SCFD2: variants seen among roughly 807,000 people sequenced by gnomAD.
SCFD2 encodes sec1 family domain-containing protein 2.
In SCFD2, 54 loss-of-function variants were observed where a neutral mutation model predicts 58.9. The ratio of observed to expected loss-of-function variants is 0.92; its 90% CI spans 0.74 to 1.15. The LOEUF (loss-of-function observed/expected upper bound fraction) is 1.15. Ranked by LOEUF, SCFD2 falls within the 50% of genes most tolerant of loss-of-function variation. SCFD2 has a pLI of 0.00. For synonymous variants in SCFD2, 321 were observed against 335.9 expected (o/e 0.96, Z 0.49); for missense variants, 805 against 836.6 (o/e 0.96, Z 0.47).
chr4:53,055,102 A>T (rs1723286360), intron 5 of SCFD2, among the ~76,000 whole-genome samples: 1 of 152,170 alleles, frequency 6.6e-6, no homozygotes. Flanking sequence ...GTGGTACCTA[A>T]CATTTACTGG....
At chr4:53,199,623 G>C (rs1166994703) in intron 4 of SCFD2, among the ~76,000 whole-genome samples, 1 of 151,986 alleles carries the variant, frequency 6.6e-6, no homozygotes, top group African/African-American at 2.4e-5. Context: ...GGGTTGAAGG[G>C]GGTGGGACTT....
At chr4:53,215,442 T>C (rs1276939741) in intron 4 of SCFD2, among the ~76,000 whole-genome samples, 1 of 152,146 alleles carries the variant, frequency 6.6e-6, no homozygotes, top group Non-Finnish European at 1.5e-5. Context: ...ACTCATGATT[T>C]GGCTGTCTGT....
chr4:52,960,676 A>G (rs560194698), intron 5 of SCFD2, among the ~76,000 whole-genome samples: 2 of 151,194 alleles, frequency 1.3e-5, no homozygotes, highest in African/African-American at 4.9e-5. Context: ...GCCAAAGCAC[A>G]TCTTCTTTTC....
chr4:53,342,802 A>T (rs1428135895), intron 2 of SCFD2, among the ~76,000 whole-genome samples: 6 of 152,156 alleles, frequency 3.9e-5, no homozygotes, highest in Non-Finnish European at 5.9e-5. Context: ...GGATTAAGAA[A>T]CTCACTCAAA....
chr4:52,962,670 TAGA>T (rs1560495015), intron 5 of SCFD2, among the ~76,000 whole-genome samples: 1 of 150,698 alleles, frequency 6.6e-6, no homozygotes. Flanking sequence ...GAAAATAGTT[TAGA>T]GGGGGGCAGC....
At chr4:53,055,393 CCT>C (rs758391826) in intron 5 of SCFD2, among the ~76,000 whole-genome samples, 2 of 152,136 alleles carry the variant, frequency 1.3e-5, no homozygotes, top group African/African-American at 4.8e-5. Context: ...GCCTCTCTCC[CCT>C]GTGTTCACTT....
At chr4:53,183,396 G>T (rs553369284) in intron 4 of SCFD2, among the ~76,000 whole-genome samples, 3 of 151,948 alleles carry the variant, frequency 2.0e-5, no homozygotes, top group Non-Finnish European at 2.9e-5. Context: ...GCAAACTATC[G>T]CAAGGACAAA....
chr4:53,251,138 A>G (rs1730358624), intron 4 of SCFD2, among the ~76,000 whole-genome samples: 1 of 152,258 alleles, frequency 6.6e-6, no homozygotes, highest in Non-Finnish European at 1.5e-5. Context: ...TCTAGAAGAA[A>G]TGGATAAATT....
chr4:53,302,393 A>AG (rs571169438), intron 3 of SCFD2, among the ~76,000 whole-genome samples: 3 of 152,036 alleles, frequency 2.0e-5, no homozygotes, highest in African/African-American at 2.4e-5. Context: ...CCAACTTACA[A>AG]GGATGTGAAG....
At chr4:52,949,689 G>A (rs150685051) in intron 5 of SCFD2, 2 of 152,288 alleles carry the variant, frequency 1.3e-5, no homozygotes, top group East Asian at 1.9e-4. Context: ...AAGTCTCAAC[G>A]TTTCCCCCTT....
intron 5 of SCFD2, among the ~76,000 whole-genome samples, chr4:53,133,832 G>A (rs1377904481): frequency 6.6e-6 from 1 of 152,170 alleles, no homozygotes; most frequent in African/African-American, 2.4e-5. Flanking sequence ...AACCCCAATT[G>A]AAAGCTCACT....
chr4:53,358,380 A>C (rs2149170736), intron 1 of SCFD2, among the ~76,000 whole-genome samples: 1 of 152,004 alleles, frequency 6.6e-6, no homozygotes, highest in African/African-American at 2.4e-5. Context: ...AAACAAAACA[A>C]AACAAAAAAA....
At chr4:53,226,725 A>C (rs1729229073) in intron 4 of SCFD2, among the ~76,000 whole-genome samples, 1 of 152,170 alleles carries the variant, frequency 6.6e-6, no homozygotes, top group Non-Finnish European at 1.5e-5. Context: ...TGATCAGTGC[A>C]AGAGGATGGG....
intron 2 of SCFD2, among the ~76,000 whole-genome samples, chr4:53,348,718 T>TA (rs1491193589): frequency 2.7e-5 from 3 of 109,394 alleles, no homozygotes; most frequent in African/African-American, 1.1e-4. Flanking sequence ...TATGACCATA[T>TA]TTTTTTTTTT....
chr4:53,200,567 G>C (rs948673344), intron 4 of SCFD2, among the ~76,000 whole-genome samples: 5 of 152,052 alleles, frequency 3.3e-5, no homozygotes, highest in Admixed American at 1.3e-4. Context: ...GCAATAATCT[G>C]TTTCTGGAAA....
intron 8 of SCFD2, 128 bp downstream of exon 8, chr4:52,885,619 A>C: frequency 9.1e-7 from 1 of 1,102,672 alleles, no homozygotes; most frequent in Non-Finnish European, 1.3e-6. Flanking sequence ...GAGGGAGGGA[A>C]CAAAGCCAAG....
At chr4:53,050,555 G>C (rs1217759514) in intron 5 of SCFD2, among the ~76,000 whole-genome samples, 3 of 152,136 alleles carry the variant, frequency 2.0e-5, no homozygotes, top group African/African-American at 7.2e-5. Flanking sequence ...CACAGTGGTG[G>C]GAGGCTATGA....
chr4:53,178,711 A>G (rs1468354541), intron 4 of SCFD2, among the ~76,000 whole-genome samples: 1 of 152,206 alleles, frequency 6.6e-6, no homozygotes, highest in East Asian at 1.9e-4. Flanking sequence ...GAGCTACAGG[A>G]GGAAATTCAA....
chr4:53,032,486 A>T (rs1319624897), intron 5 of SCFD2, among the ~76,000 whole-genome samples: 1 of 152,216 alleles, frequency 6.6e-6, no homozygotes, highest in Non-Finnish European at 1.5e-5. Context: ...ATTAAAAGAC[A>T]TCGACTAGCA....
Sources: allele counts gnomAD v4.1 joint callset (sites outside exome capture counted in the v4.1 genomes callset), GRCh38; gene constraint gnomAD v4.1.1; transcripts MANE v1.5; gene names NCBI Gene and HGNC (gene_info 2026-07-23, HGNC 2026-07-21).